TSPAN16: variants seen among roughly 807,000 people sequenced by gnomAD.
TSPAN16 encodes the protein tetraspanin-16.
TSPAN16 carries 23 observed loss-of-function variants against 25.2 expected under a neutral mutation model. That is an observed-to-expected ratio of 0.91 (90% CI 0.66 to 1.29). TSPAN16 has a LOEUF of 1.29. Ranked by LOEUF, TSPAN16 falls within the 50% of genes most tolerant of loss-of-function variation. The pLI is 0.00. For synonymous variants in TSPAN16, 123 were observed against 124.4 expected, an observed-to-expected ratio of 0.99 and a Z score of 0.08; for missense variants, 272 against 299.9, an observed-to-expected ratio of 0.91 and a Z score of 0.69.
chr19:11,317,653 C>T (rs1014494651), downstream of TSPAN16, among the ~76,000 whole-genome samples: 1 of 151,790 alleles, frequency 6.6e-6, no homozygotes, highest in African/African-American at 2.4e-5. Context: ...TGCCACCATG[C>T]CTGGCTAATA....
intron 4 of TSPAN16, among the ~76,000 whole-genome samples, chr19:11,302,644 T>TAA (rs1165938632): frequency 3.7e-4 from 49 of 131,082 alleles, no homozygotes; most frequent in African/African-American, 1.6e-3. Context: ...CACACATACA[T>TAA]ATATATATAC....
chr19:11,300,963 G>C (rs2080539329), intron 3 of TSPAN16: 1 of 484,806 alleles, frequency 2.1e-6, no homozygotes, highest in Non-Finnish European at 3.8e-6. Context: ...TGTGCGATGG[G>C]TACAGAGAGA....
intron 6 of TSPAN16, among the ~76,000 whole-genome samples, chr19:11,326,418 T>C (rs749909396): frequency 2.0e-5 from 3 of 152,046 alleles, no homozygotes; most frequent in Non-Finnish European, 4.4e-5. Context: ...GCTGCAGCCA[T>C]GGTCTGGACA....
intron 6 of TSPAN16, chr19:11,323,119 A>C (rs945064953): frequency 2.0e-5 from 3 of 151,712 alleles, no homozygotes; most frequent in Non-Finnish European, 4.4e-5. Flanking sequence ...TTAAAAAAAA[A>C]AAAAACAAAA....
downstream of TSPAN16, among the ~76,000 whole-genome samples, chr19:11,320,056 G>T (rs1232913057): frequency 6.6e-6 from 1 of 150,508 alleles, no homozygotes; most frequent in Non-Finnish European, 1.5e-5. Context: ...TTGACCTCGT[G>T]ACCTGCCCGC....
chr19:11,311,144 T>C (rs2147951768), intron 5 of TSPAN16, among the ~76,000 whole-genome samples: 1 of 152,304 alleles, frequency 6.6e-6, no homozygotes, highest in Non-Finnish European at 1.5e-5. Context: ...GCCTTATTAA[T>C]TCTTTATTTA....
intron 5 of TSPAN16, among the ~76,000 whole-genome samples, chr19:11,311,151 T>C (rs989314395): frequency 2.6e-5 from 4 of 152,228 alleles, no homozygotes; most frequent in African/African-American, 9.6e-5. Context: ...TAATTCTTTA[T>C]TTAGAGATGG....
intron 5 of TSPAN16, chr19:11,307,882 G>C (rs1428194355): frequency 6.6e-6 from 1 of 152,242 alleles, no homozygotes; most frequent in Non-Finnish European, 1.5e-5. Flanking sequence ...TCGGGGAGGG[G>C]ACATCACTAG....
chr19:11,314,782 G>T (rs1284147254), intron 6 of TSPAN16, among the ~76,000 whole-genome samples: 2 of 152,066 alleles, frequency 1.3e-5, no homozygotes, highest in African/African-American at 4.8e-5. Flanking sequence ...CCAGAAGGAG[G>T]GGAAGAAAAG....
At chr19:11,315,002 G>A (rs1402017009) in intron 6 of TSPAN16, among the ~76,000 whole-genome samples, 1 of 151,856 alleles carries the variant, frequency 6.6e-6, no homozygotes, top group Non-Finnish European at 1.5e-5. Flanking sequence ...TTGGGAGGCC[G>A]AGGCGAATGG....
At chr19:11,304,411 C>T (rs1248284953) in intron 4 of TSPAN16, among the ~76,000 whole-genome samples, 2 of 151,600 alleles carry the variant, frequency 1.3e-5, no homozygotes, top group South Asian at 2.1e-4. Context: ...GGCGCAATCT[C>T]GGCTCACTGC....
At chr19:11,314,650 G>A (rs1265689656) in intron 6 of TSPAN16, among the ~76,000 whole-genome samples, 3 of 152,000 alleles carry the variant, frequency 2.0e-5, no homozygotes, top group Non-Finnish European at 4.4e-5. Context: ...TGTTTTCAGG[G>A]GCCTCCTTGC....
intron 4 of TSPAN16, among the ~76,000 whole-genome samples, chr19:11,302,674 TATATACAC>T (rs1390529388): frequency 9.3e-5 from 12 of 128,648 alleles, no homozygotes; most frequent in African/African-American, 4.8e-4. Context: ...TATATATATA[TATATACAC>T]ACACACACAC....
chr19:11,319,207 G>C (rs1461184540), downstream of TSPAN16, among the ~76,000 whole-genome samples: 1 of 152,190 alleles, frequency 6.6e-6, no homozygotes, highest in Admixed American at 6.5e-5. Flanking sequence ...GTCAGGGGGG[G>C]TTCTCACAAG....
intron 1 of TSPAN16, 57 bp downstream of exon 1, chr19:11,296,423 C>T (rs1239576392): frequency 2.6e-6 from 4 of 1,557,044 alleles, no homozygotes; most frequent in East Asian, 4.5e-5. Context: ...CCACAGTCAG[C>T]TCCCTGAAAG....
intron 6 of TSPAN16, chr19:11,326,740 G>C (rs1325692938): frequency 1.4e-6 from 1 of 692,816 alleles, no homozygotes; most frequent in Admixed American, 2.0e-5. Context: ...AGTAGCTGGG[G>C]CTACAGGTGT....
intron 3 of TSPAN16, among the ~76,000 whole-genome samples, chr19:11,300,523 G>A (rs1205497663): frequency 6.6e-6 from 1 of 152,204 alleles, no homozygotes. Flanking sequence ...AGGCCACCAA[G>A]AGCCCCTGCT....
chr19:11,304,894 G>A (rs1165337218), intron 4 of TSPAN16, among the ~76,000 whole-genome samples: 4 of 151,878 alleles, frequency 2.6e-5, no homozygotes, highest in African/African-American at 7.3e-5. Context: ...CAAGTGATCT[G>A]CCTGCTTAGT....
At chr19:11,297,228 C>T (rs575759472) in intron 1 of TSPAN16, among the ~76,000 whole-genome samples, 1 of 151,974 alleles carries the variant, frequency 6.6e-6, no homozygotes, top group Non-Finnish European at 1.5e-5. Flanking sequence ...TTTGGGAGGC[C>T]GAGGTGGGCA....
Sources: gnomAD v4.1 joint callset for allele counts (sites outside exome capture counted in the v4.1 genomes callset) on GRCh38, gnomAD v4.1.1 for gene constraint, MANE v1.5 for transcripts, NCBI Gene and HGNC (gene_info 2026-07-23, HGNC 2026-07-21) for gene names.